Variants in MAGI2 observed in about 807,000 individuals in gnomAD.
The protein encoded by MAGI2 is membrane-associated guanylate kinase, WW and PDZ domain-containing protein 2.
MAGI2 carries 35 observed loss-of-function variants against 133.3 expected under a neutral mutation model. The observed-to-expected ratio is 0.26, with a 90% CI of 0.20 to 0.35. MAGI2 has a LOEUF of 0.35. MAGI2 is among the 10% of genes least tolerant of loss of function. The pLI, the probability that MAGI2 is intolerant of heterozygous loss-of-function variation, is 1.00. For missense variants in MAGI2, 1,636 were observed against 1,863.4 expected, an observed-to-expected ratio of 0.88 and a Z score of 2.25; for synonymous variants, 729 against 710.6, an observed-to-expected ratio of 1.03 and a Z score of -0.41.
intron 1 of MAGI2, among the ~76,000 whole-genome samples, chr7:79,115,863 T>TG (rs1207381319): frequency 1.4e-5 from 2 of 146,506 alleles, no homozygotes; most frequent in African/African-American, 5.2e-5. Context: ...AGTTTTTTTT[T>TG]TTTTTTTTTT....
At chr7:78,177,466 A>G (rs1826769649) in intron 14 of MAGI2, among the ~76,000 whole-genome samples, 1 of 152,106 alleles carries the variant, frequency 6.6e-6, no homozygotes, top group Non-Finnish European at 1.5e-5. Context: ...ACACATACAC[A>G]CACACAAAGT....
intron 17 of MAGI2, 56 bp downstream of exon 17, chr7:78,134,965 C>G: frequency 6.6e-7 from 1 of 1,515,194 alleles, no homozygotes; most frequent in Non-Finnish European, 9.1e-7. Context: ...TGAGAACACC[C>G]GGTGAGTGTG....
intron 21 of MAGI2, among the ~76,000 whole-genome samples, chr7:78,062,337 T>C (rs1489362225): frequency 6.6e-6 from 1 of 152,152 alleles, no homozygotes; most frequent in Non-Finnish European, 1.5e-5. Context: ...GAGAGGTCCA[T>C]GGAGTAGCAG....
rs544306404 is a variant in MAGI2, at chr7:79,292,714, A to G, written c.301+160306T>C. On this transcript the variant is annotated intron_variant, in intron 1 of 21. Coordinates refer to ENST00000354212, the MANE Select transcript of MAGI2 (RefSeq NM_012301.4). ...GTTCTTTTTCAGGATTGTTTTGCCT[A>G]TTCTGGGTCCTTTATCTTTCTTCAC... is the stretch of plus-strand genomic sequence containing the variant. 1.9e-3 allele frequency among the ~76,000 whole-genome samples: 245 copies of G among 128,206 alleles called. 1 individual carries two copies. Among genetic ancestry groups the G allele is most frequent in the South Asian group, 5.9e-3 (23 of 3,916 alleles). 84.1% of individuals were successfully genotyped at this position (128,206 alleles called of 152,430 possible). A position where few individuals can be genotyped will look rare whatever the true frequency, so the allele number is the denominator to read the frequency against.
At chr7:79,039,899 ATAT>A (rs950381101) in intron 1 of MAGI2, among the ~76,000 whole-genome samples, 7 of 148,274 alleles carry the variant, frequency 4.7e-5, no homozygotes, top group Non-Finnish European at 8.9e-5. Context: ...ATACAATGAA[ATAT>A]TATTCAGCCA....
chr7:79,332,634 G>T (rs147188600), intron 1 of MAGI2, among the ~76,000 whole-genome samples: 2 of 152,162 alleles, frequency 1.3e-5, no homozygotes, highest in Non-Finnish European at 2.9e-5. Flanking sequence ...AGTCATATTG[G>T]GTAGAGCAGT....
chr7:79,268,431 C>T (rs1293939682), intron 1 of MAGI2, among the ~76,000 whole-genome samples: 2 of 152,248 alleles, frequency 1.3e-5, no homozygotes, highest in African/African-American at 4.8e-5. Flanking sequence ...AATCTTCATG[C>T]TTTTTCTTAG....
rs148584415 is a variant in MAGI2 at position 79,385,437 on chromosome 7, T to A, written c.301+67583A>T. Among the ~76,000 whole-genome samples, 57 of 152,096 alleles carry A rather than the reference T, an allele frequency of 3.7e-4. No homozygotes were observed. The East Asian group carries it at 9.7e-3, about 26-fold the overall frequency. ...ATTTTAAAATATTTTTTCTCCACACTTTTATTATAAAAATAGTGATGGTAG... is the reference window on the plus strand; with the variant it reads ...ATTTTAAAATATTTTTTCTCCACACATTTATTATAAAAATAGTGATGGTAG... On this transcript the variant is annotated intron_variant, in intron 1 of 21. Coordinates refer to ENST00000354212, the MANE Select transcript of MAGI2 (RefSeq NM_012301.4).
rs536765207 is a variant in MAGI2 at position 79,206,914 on chromosome 7, C to T, written c.302-199708G>A. Among the ~76,000 whole-genome samples the T allele has an allele frequency of 8.4e-4, 128 of 151,848 alleles. 1 individual carries two copies. Among genetic ancestry groups the T allele is most frequent in the Middle Eastern group, 3.4e-3 (1 of 294 alleles). On this transcript the variant is annotated intron_variant, in intron 1 of 21. Transcript: ENST00000354212. ...GGGAGATGTAAGGATGGCTAAATTACGTATATCAACAAAGGTGAAACAACA... is the reference window on the plus strand; with the variant it reads ...GGGAGATGTAAGGATGGCTAAATTATGTATATCAACAAAGGTGAAACAACA...
At chr7:78,226,304 A>C (rs920103592) in intron 10 of MAGI2, among the ~76,000 whole-genome samples, 4 of 134,470 alleles carry the variant, frequency 3.0e-5, no homozygotes, top group African/African-American at 1.1e-4. Context: ...GTGACTGCAG[A>C]AAGTATACAA....
chr7:79,306,865 G>A (rs1375121276), intron 1 of MAGI2, among the ~76,000 whole-genome samples: 3 of 151,872 alleles, frequency 2.0e-5, no homozygotes, highest in African/African-American at 7.3e-5. Context: ...CCAGGCTGGA[G>A]TGCAGTGGTG....
At chr7:78,301,463 C>T (rs1246171789) in intron 9 of MAGI2, among the ~76,000 whole-genome samples, 4 of 152,132 alleles carry the variant, frequency 2.6e-5, no homozygotes, top group East Asian at 1.9e-4. Flanking sequence ...ACCAGGCATG[C>T]GAGACTCAGG....
rs531637199 is a variant in MAGI2, at chr7:78,324,146, T to TAC, written c.1408+19630_1408+19631dup. 2.2e-3 allele frequency among the ~76,000 whole-genome samples: 297 copies of TAC among 132,666 alleles called. 2 individuals are homozygous for TAC. The highest frequency in any genetic ancestry group is 7.3e-3 in the African/African-American group (232 of 31,706). 87.0% of individuals were successfully genotyped at this position (132,666 alleles called of 152,430 possible). ...ATTGACACACTACACTACACTACAC[T>TAC]ACACTACACACTACACTACACTACA... On this transcript the variant is annotated intron_variant, in intron 9 of 21. Coordinates refer to ENST00000354212, the MANE Select transcript of MAGI2 (RefSeq NM_012301.4).
chr7:78,134,958 G>C (rs1251049410), intron 17 of MAGI2, 63 bp downstream of exon 17: 10 of 1,467,378 alleles, frequency 6.8e-6, no homozygotes, highest in Non-Finnish European at 7.5e-6. Context: ...GGCAGGCTGA[G>C]AACACCCGGT....
intron 2 of MAGI2, among the ~76,000 whole-genome samples, chr7:78,900,070 C>T (rs1270380874): frequency 6.6e-6 from 1 of 152,048 alleles, no homozygotes; most frequent in African/African-American, 2.4e-5. Flanking sequence ...TTGAAAGGAG[C>T]CTCTTTGCTT....
At chr7:78,375,639 A>G (rs554088909) in intron 6 of MAGI2, among the ~76,000 whole-genome samples, 2 of 152,172 alleles carry the variant, frequency 1.3e-5, no homozygotes, top group African/African-American at 2.4e-5. Context: ...TGACTGTACA[A>G]AAGAAAATAA....
chr7:78,853,044 T>C (rs1793276809), intron 2 of MAGI2, among the ~76,000 whole-genome samples: 1 of 152,104 alleles, frequency 6.6e-6, no homozygotes. Context: ...TGGAGAGCTT[T>C]TCATGAGGAA....
chr7:78,231,730 T>C (rs533423862), intron 10 of MAGI2, among the ~76,000 whole-genome samples: 4 of 152,298 alleles, frequency 2.6e-5, no homozygotes, highest in African/African-American at 9.6e-5. Context: ...CCTCACTTGA[T>C]CCTTTTCCCT....
intron 1 of MAGI2, among the ~76,000 whole-genome samples, chr7:79,268,636 G>C (rs1386544992): frequency 2.6e-5 from 4 of 152,172 alleles, no homozygotes; most frequent in Admixed American, 2.0e-4. Flanking sequence ...GTATACTAGA[G>C]ATATTTTAGC....
Sources: allele counts gnomAD v4.1 joint callset (sites outside exome capture counted in the v4.1 genomes callset), GRCh38; gene constraint gnomAD v4.1.1; transcripts MANE v1.5; gene names NCBI Gene and HGNC (gene_info 2026-07-23, HGNC 2026-07-21).